Variants in RAB40B observed in about 807,000 individuals in gnomAD.
RAB40B encodes the protein RAB40B, member RAS oncogene family.
RAB40B carries 21 observed loss-of-function variants against 24.0 expected under a neutral mutation model. The ratio of observed to expected loss-of-function variants is 0.88; its 90% confidence interval spans 0.62 to 1.26. RAB40B has a LOEUF of 1.26. RAB40B is among the 50% of genes most tolerant of loss of function. RAB40B has a pLI of 0.00. For missense variants in RAB40B, 348 were observed against 390.5 expected (o/e 0.89, Z 0.92); for synonymous variants, 167 against 169.8 (o/e 0.98, Z 0.13).
rs562075936 is a variant in RAB40B at position 82,693,227 on chromosome 17, G to A, written c.142+5228C>T. Among the ~76,000 whole-genome samples, 21 of 152,056 alleles carry A rather than the reference G, an allele frequency of 1.4e-4. 1 individual carries two copies. The East Asian group carries it at 2.7e-3, about 20-fold the overall frequency. On this transcript the variant is annotated intron_variant, in intron 1 of 5. Coordinates refer to ENST00000571995, the MANE Select transcript of RAB40B (RefSeq NM_006822.3). ...TCACCAAGTTAGCCAGGCTGGTCTC[G>A]AACTCTTGACCTCTGGTGATCCATC...
intron 2 of RAB40B, chr17:82,661,317 T>A (rs574751364): frequency 1.7e-6 from 2 of 1,205,916 alleles, no homozygotes; most frequent in Non-Finnish European, 2.1e-6. Context: ...GATATTTAAA[T>A]ACATTCAATG....
intron 1 of RAB40B, among the ~76,000 whole-genome samples, chr17:82,679,503 G>A (rs3933871): frequency 0.013 from 1,904 of 152,010 alleles, 44 homozygotes; most frequent in African/African-American, 0.042. Context: ...GGATGGTCTC[G>A]ATCTCCTGAT....
In RAB40B at chr17:82,698,443, G is replaced by T. The variant is rs1328555491; in HGVS notation, c.142+12C>A. On this transcript the variant is annotated intron_variant, in intron 1 of 5. Coordinates refer to ENST00000571995, the MANE Select transcript of RAB40B (RefSeq NM_006822.3). ...GCGCCCGCACCCCGGCACGCCCTCC[G>T]CCCGCGCTCACCCGCCGGGTGGCCG... 13 of 1,342,914 alleles carry T rather than the reference G, an allele frequency of 9.7e-6. No homozygotes were observed. Among genetic ancestry groups the T allele is most frequent in the Non-Finnish European group, 1.3e-5 (13 of 1,028,934 alleles). The allele number at this position is 1,342,914 out of a possible 1,614,324, so 83.2% of individuals were successfully genotyped here.
At chr17:82,688,602 G>A (rs760979079) in intron 1 of RAB40B, among the ~76,000 whole-genome samples, 1 of 151,668 alleles carries the variant, frequency 6.6e-6, no homozygotes, top group East Asian at 2.0e-4. Flanking sequence ...GTGACAAAGC[G>A]AGACTCCGTC....
At chr17:82,665,125 C>T (rs759671688) in intron 1 of RAB40B, among the ~76,000 whole-genome samples, 38 of 152,134 alleles carry the variant, frequency 2.5e-4, no homozygotes, top group Admixed American at 7.9e-4. Flanking sequence ...TGCAGGGACA[C>T]GGGACTGCAC....
chr17:82,683,817 A>AG (rs1254407079), intron 1 of RAB40B, among the ~76,000 whole-genome samples: 7 of 151,810 alleles, frequency 4.6e-5, no homozygotes, highest in African/African-American at 7.3e-5. Context: ...AAAAAAAAAA[A>AG]AAAAAAGAAA....
At chr17:82,665,420 T>C (rs1008663235) in intron 1 of RAB40B, among the ~76,000 whole-genome samples, 2 of 152,060 alleles carry the variant, frequency 1.3e-5, no homozygotes, top group Non-Finnish European at 1.5e-5. Flanking sequence ...GGCCAGATAA[T>C]TTTTGTATTT....
chr17:82,691,720 C>T (rs577853182), intron 1 of RAB40B, among the ~76,000 whole-genome samples: 26 of 152,158 alleles, frequency 1.7e-4, no homozygotes, highest in Non-Finnish European at 3.7e-4. Flanking sequence ...AGGCAGAAAA[C>T]TCAGCACTCA....
At chr17:82,690,922 G>A (rs2046551728) in intron 1 of RAB40B, among the ~76,000 whole-genome samples, 1 of 152,236 alleles carries the variant, frequency 6.6e-6, no homozygotes, top group Non-Finnish European at 1.5e-5. Context: ...TGTCCCAGGG[G>A]AACATCTGTC....
chr17:82,683,509 C>T (rs1294362939), intron 1 of RAB40B, among the ~76,000 whole-genome samples: 1 of 152,018 alleles, frequency 6.6e-6, no homozygotes, highest in East Asian at 1.9e-4. Flanking sequence ...CAAAAGAGGC[C>T]AGACATAGTG....
intron 1 of RAB40B, among the ~76,000 whole-genome samples, chr17:82,668,488 C>A (rs923235441): frequency 1.3e-5 from 2 of 152,270 alleles, no homozygotes; most frequent in Admixed American, 6.5e-5. Flanking sequence ...CAGGCCAGCA[C>A]TGAGCCACCC....
rs886767999 is a variant in RAB40B at position 82,697,929 on chromosome 17, T to TCTCCC, written c.142+521_142+525dup. Among the ~76,000 whole-genome samples, 1 of 151,024 alleles carries TCTCCC rather than the reference T, an allele frequency of 6.6e-6. No individual in the cohort carries two copies. Among genetic ancestry groups the TCTCCC allele is most frequent in the Non-Finnish European group, 1.5e-5 (1 of 67,768 alleles). The stretch of plus-strand genomic sequence containing the variant: ...CCCTGGCCTCGGGACCGGACCCTGG[T>TCTCCC]CTCCCCTCCCCTCCGACCCACGCGC... On this transcript the variant is annotated intron_variant, in intron 1 of 5. Transcript: ENST00000571995. This position sits in a 1 kb window ranked among gnomAD's most constrained non-coding sequence, Gnocchi z 4.9.
chr17:82,664,867 C>A (rs11868984), intron 1 of RAB40B: 11,685 of 272,648 alleles, frequency 0.043, 1,371 homozygotes, highest in African/African-American at 0.24. Context: ...GGGTTTGCCG[C>A]GGGGCTGTGG....
chr17:82,660,942 A>G (rs1351787411), intron 3 of RAB40B, 45 bp downstream of exon 3: 1 of 1,584,752 alleles, frequency 6.3e-7, no homozygotes, highest in Admixed American at 1.7e-5. Context: ...AAATGTTATT[A>G]TTCAAAGTTG....
chr17:82,658,814 A>G lies in RAB40B; in HGVS notation c.343-101T>C, dbSNP rs2046123012. 8 of 1,058,340 alleles carry G rather than the reference A, an allele frequency of 7.6e-6. 1 individual carries two copies. The South Asian group carries it at 1.3e-4, about 17-fold the overall frequency. 65.6% of individuals were successfully genotyped at this position (1,058,340 alleles called of 1,614,324 possible). On this transcript the variant is annotated intron_variant, in intron 4 of 5. Coordinates refer to ENST00000571995, the MANE Select transcript of RAB40B (RefSeq NM_006822.3). ...GGGTCGAGGAACCCCCCACGAGTTCATGTCCACCCAGAACCTCAGCATGGG... is the reference window on the plus strand; with the variant it reads ...GGGTCGAGGAACCCCCCACGAGTTCGTGTCCACCCAGAACCTCAGCATGGG...
chr17:82,680,523 C>T (rs1399035756), intron 1 of RAB40B, among the ~76,000 whole-genome samples: 1 of 152,170 alleles, frequency 6.6e-6, no homozygotes, highest in Non-Finnish European at 1.5e-5. Flanking sequence ...TATGAAAAAG[C>T]TTATTTAAAA....
In RAB40B at chr17:82,658,611, C is replaced by G. The variant is rs764146112; in HGVS notation, c.445G>C (p.Gly149Arg). ...EQAQAYAERL[G>R]VTFFEVSPLC... ...GGGCTGACCTCAAAGAAGGTCACGC[C>G]CAGGCGCTCGGCGTAGGCCTGGGCC... The change falls in exon 5 of 6, where the codon GGC becomes CGC. Residue 149 changes from glycine (G) to arginine (R), a missense_variant. Gly to Arg is a moderately radical substitution (Grantham distance 125, BLOSUM62 -2). Transcript: ENST00000571995. The G allele has an allele frequency of 6.2e-7, 1 of 1,613,240 alleles. No individual in the cohort carries two copies. Among genetic ancestry groups the G allele is most frequent in the Non-Finnish European group, 8.5e-7 (1 of 1,179,998 alleles).
intron 1 of RAB40B, among the ~76,000 whole-genome samples, chr17:82,682,138 C>G (rs2046454586): frequency 7.3e-6 from 1 of 136,736 alleles, no homozygotes; most frequent in African/African-American, 2.7e-5. Flanking sequence ...CACACACACA[C>G]AGGCACGCAT....
At chr17:82,659,279 C>T in intron 4 of RAB40B, 3 of 412,640 alleles carry the variant, frequency 7.3e-6, no homozygotes, top group Non-Finnish European at 1.3e-5. Flanking sequence ...CTGGTCAGCC[C>T]AGCCCGACCA....
Sources: gnomAD v4.1 joint callset for allele counts (sites outside exome capture counted in the v4.1 genomes callset) on GRCh38, gnomAD v4.1.1 for gene constraint, Gnocchi (gnomAD v3.1) non-coding constraint, MANE v1.5 for transcripts, NCBI Gene and HGNC (gene_info 2026-07-23, HGNC 2026-07-21) for gene names.